The following CD8B variants were observed in gnomAD, a reference collection of about 807,000 sequenced individuals.
CD8B encodes the protein CD8 subunit beta.
CD8B carries 6 observed loss-of-function variants against 24.2 expected under a neutral mutation model. The observed-to-expected ratio is 0.25, with a 90% confidence interval of 0.14 to 0.49. The LOEUF is 0.49. Ranked by LOEUF, CD8B falls within the 20% of genes least tolerant of loss-of-function variation. CD8B has a pLI of 0.98. For missense variants in CD8B, 196 were observed against 271.3 expected (o/e 0.72, Z 1.95); for synonymous variants, 84 against 108.3 (o/e 0.78, Z 1.39).
Position 86,844,597 on chromosome 2 carries a change from G to A in CD8B, c.620+325C>T, listed in dbSNP as rs185702450. ...ACTGGTCAGGTTTTTGTTTGTTTAG[G>A]TTATCTCTTAGGTTCCTGAACTCTA... On this transcript the variant is annotated intron_variant, in intron 5 of 5. Transcript: ENST00000390655. The A allele has an allele frequency of 8.7e-5, 122 of 1,395,928 alleles. No homozygotes were observed. In the African/African-American group the frequency reaches 1.3e-3, roughly 15 times the overall value. 86.5% of individuals were successfully genotyped at this position (1,395,928 alleles called of 1,614,324 possible).
At chr2:86,828,372 G>T (rs1674774940) in intron 5 of CD8B, among the ~76,000 whole-genome samples, 1 of 150,940 alleles carries the variant, frequency 6.6e-6, no homozygotes, top group African/African-American at 2.4e-5. Context: ...TTTTAATGTA[G>T]ATATATAAAG....
chr2:86,840,078 C>G lies in CD8B; in HGVS notation c.*2229G>C, dbSNP rs560489142. Among the ~76,000 whole-genome samples, 2 of 151,498 alleles carry G rather than the reference C, an allele frequency of 1.3e-5. No homozygotes were observed. Among genetic ancestry groups the G allele is most frequent in the East Asian group, 3.9e-4 (2 of 5,128 alleles). ...GGGGGCAGGGAATCTAAGGCCAATTCGTGCTGAATCAAGGAGAAACATCTA... is the reference window on the plus strand; with the variant it reads ...GGGGGCAGGGAATCTAAGGCCAATTGGTGCTGAATCAAGGAGAAACATCTA... On this transcript the variant is annotated 3_prime_UTR_variant, in exon 6 of 6. Coordinates refer to ENST00000390655, the MANE Select transcript of CD8B (RefSeq NM_004931.5).
intron 5 of CD8B, chr2:86,821,730 G>A (rs758330487): frequency 2.3e-6 from 1 of 441,554 alleles, no homozygotes; most frequent in South Asian, 1.6e-5. Flanking sequence ...GGAACCCTCC[G>A]AAAATCGCAG....
intron 1 of CD8B, among the ~76,000 whole-genome samples, chr2:86,859,912 T>C (rs1454475791): frequency 3.3e-5 from 5 of 152,052 alleles, no homozygotes; most frequent in Non-Finnish European, 5.9e-5. Context: ...CCAACACTGA[T>C]GAAATGAACT....
At chr2:86,854,304 G>A (rs1676123259) in intron 2 of CD8B, among the ~76,000 whole-genome samples, 3 of 152,284 alleles carry the variant, frequency 2.0e-5, no homozygotes, top group Non-Finnish European at 4.4e-5. Flanking sequence ...AGCACATGGA[G>A]GAAGCTCATG....
chr2:86,839,887 G>T lies in CD8B; in HGVS notation c.*2420C>A, dbSNP rs1413705976. Among the ~76,000 whole-genome samples the T allele has an allele frequency of 1.3e-5, 2 of 152,170 alleles. No individual in the cohort carries two copies. Among genetic ancestry groups the T allele is most frequent in the African/African-American group, 4.8e-5 (2 of 41,436 alleles). ...ATTTGTTTGTGATGGGCCGGGTGAG[G>T]GGCCCACCTGAAACACGAACCCTAG... On this transcript the variant is annotated 3_prime_UTR_variant, in exon 6 of 6. Coordinates refer to ENST00000390655, the MANE Select transcript of CD8B (RefSeq NM_004931.5).
chr2:86,855,638 G>C (rs572971165), intron 2 of CD8B, among the ~76,000 whole-genome samples: 58 of 152,348 alleles, frequency 3.8e-4, no homozygotes, highest in Admixed American at 7.2e-4. Context: ...GGCAACTATT[G>C]TAAGAGGAAA....
At chr2:86,818,275 G>A (rs1674335807) in intron 5 of CD8B, among the ~76,000 whole-genome samples, 1 of 152,120 alleles carries the variant, frequency 6.6e-6, no homozygotes, top group South Asian at 2.1e-4. Flanking sequence ...GTAACTGTAT[G>A]TAATGAGTAC....
intron 2 of CD8B, among the ~76,000 whole-genome samples, chr2:86,854,022 C>T (rs555352814): frequency 1.3e-3 from 195 of 150,740 alleles, no homozygotes; most frequent in Non-Finnish European, 2.2e-3. Context: ...ATTACAGGTA[C>T]GAGCCACCGC....
chr2:86,854,907 G>C (rs1676158655), intron 2 of CD8B, among the ~76,000 whole-genome samples: 1 of 152,112 alleles, frequency 6.6e-6, no homozygotes, highest in Admixed American at 6.5e-5. Flanking sequence ...GATCACCTGA[G>C]GTCAGGAGTC....
At chr2:86,854,982 G>C (rs539977915) in intron 2 of CD8B, among the ~76,000 whole-genome samples, 12 of 152,182 alleles carry the variant, frequency 7.9e-5, no homozygotes, top group Non-Finnish European at 1.8e-4. Flanking sequence ...TTAGTTGGGC[G>C]TGGTGGCACG....
intron 1 of CD8B, among the ~76,000 whole-genome samples, chr2:86,860,628 T>C (rs903099967): frequency 2.0e-5 from 3 of 152,186 alleles, no homozygotes; most frequent in Non-Finnish European, 4.4e-5. Flanking sequence ...AAAACCCAGC[T>C]TGTGGGACCC....
chr2:86,848,837 C>T (rs987619241), intron 3 of CD8B, among the ~76,000 whole-genome samples: 2 of 152,040 alleles, frequency 1.3e-5, no homozygotes, highest in African/African-American at 2.4e-5. Flanking sequence ...CTTTCTCAGC[C>T]TCCTTAGTAG....
intron 5 of CD8B, among the ~76,000 whole-genome samples, chr2:86,825,757 T>A (rs1297650796): frequency 6.6e-6 from 1 of 152,118 alleles, no homozygotes; most frequent in Non-Finnish European, 1.5e-5. Flanking sequence ...CCTCCAAGTC[T>A]GAACAGCAGG....
At chr2:86,848,376 G>C (rs183272779) in intron 3 of CD8B, among the ~76,000 whole-genome samples, 100 of 152,308 alleles carry the variant, frequency 6.6e-4, no homozygotes, top group African/African-American at 2.3e-3. Context: ...TTGGGAACTT[G>C]TATGATTTTT....
At chr2:86,832,340 T>C (rs1674934794) in intron 5 of CD8B, among the ~76,000 whole-genome samples, 1 of 151,834 alleles carries the variant, frequency 6.6e-6, no homozygotes, top group Admixed American at 6.6e-5. Flanking sequence ...TAGCCAGGCA[T>C]GGTGGTGTGT....
chr2:86,829,483 G>A (rs1415297026), intron 5 of CD8B, among the ~76,000 whole-genome samples: 2 of 152,104 alleles, frequency 1.3e-5, no homozygotes, highest in Admixed American at 1.3e-4. Flanking sequence ...GGGGAGTCAG[G>A]CGGGTGGGAG....
At chr2:86,861,508 G>C (rs1190314821) in intron 1 of CD8B, among the ~76,000 whole-genome samples, 1 of 152,176 alleles carries the variant, frequency 6.6e-6, no homozygotes, top group Non-Finnish European at 1.5e-5. Flanking sequence ...CCTTCCCCTG[G>C]TGACCTCCAG....
At chr2:86,843,053 C>G (rs1228761795) in intron 5 of CD8B, among the ~76,000 whole-genome samples, 1 of 152,104 alleles carries the variant, frequency 6.6e-6, no homozygotes, top group Non-Finnish European at 1.5e-5. Context: ...GAGGGACTTA[C>G]TTTCCATGAA....
Sources: allele counts gnomAD v4.1 joint callset (sites outside exome capture counted in the v4.1 genomes callset), GRCh38; gene constraint gnomAD v4.1.1; transcripts MANE v1.5; gene names NCBI Gene and HGNC (gene_info 2026-07-23, HGNC 2026-07-21).